The following AHI1 variants were observed in gnomAD, a reference collection of about 807,000 sequenced individuals.
The protein encoded by AHI1 is Abelson helper integration site 1.
In AHI1, 123 loss-of-function variants were observed where a neutral mutation model predicts 149.3. The ratio of observed to expected loss-of-function variants is 0.82; its 90% CI spans 0.71 to 0.96. The LOEUF (loss-of-function observed/expected upper bound fraction) is 0.96. Ranked by LOEUF, AHI1 falls within the 40% of genes least tolerant of loss-of-function variation. The pLI is 0.00. For synonymous variants in AHI1, 475 were observed against 459.8 expected (o/e 1.03, Z -0.42); for missense variants, 1,439 against 1,422.7 (o/e 1.01, Z -0.18).
At chr6:135,306,058 C>T (rs887519550) in intron 26 of AHI1, among the ~76,000 whole-genome samples, 20 of 152,158 alleles carry the variant, frequency 1.3e-4, no homozygotes, top group Admixed American at 1.2e-3. Flanking sequence ...GTTACTTTCA[C>T]CTGTTAGACT....
Position 135,415,049 on chromosome 6 carries a change from T to A in AHI1, c.2765-3505A>T, listed in dbSNP as rs1782163216. ...TCACTGTTCAATTCCCATCTATGAG[T>A]GAGAACATGTGGTGTTTGGTTTTTT... On this transcript the variant is annotated intron_variant, in intron 20 of 28. Transcript: ENST00000265602. 2.7e-5 allele frequency among the ~76,000 whole-genome samples: 4 copies of A among 145,678 alleles called. No individual in the cohort carries two copies. The Admixed American group carries it at 2.8e-4, about 10-fold the overall frequency.
intron 26 of AHI1, chr6:135,305,224 C>A (rs1249111583): frequency 6.6e-6 from 1 of 152,188 alleles, no homozygotes; most frequent in African/African-American, 2.4e-5. Flanking sequence ...CGTCTTCTAC[C>A]CTTTGTCATT....
intron 5 of AHI1, among the ~76,000 whole-genome samples, chr6:135,477,153 G>A (rs1047160842): frequency 7.9e-5 from 12 of 151,264 alleles, no homozygotes; most frequent in Admixed American, 5.3e-4. Flanking sequence ...CCATTCTCCT[G>A]CCCCAGCCTC....
intron 20 of AHI1, among the ~76,000 whole-genome samples, chr6:135,420,762 A>G (rs1036570427): frequency 2.6e-5 from 4 of 152,164 alleles, no homozygotes; most frequent in African/African-American, 9.7e-5. Flanking sequence ...AACTTTGTCC[A>G]TATCAGCAAT....
At chr6:135,452,181 A>G (rs1298709173) in intron 11 of AHI1, among the ~76,000 whole-genome samples, 1 of 152,246 alleles carries the variant, frequency 6.6e-6, no homozygotes, top group East Asian at 1.9e-4. Flanking sequence ...TAATTTATCT[A>G]TGAATGTACT....
chr6:135,447,273 A>T (rs1024328316), intron 12 of AHI1, 113 bp from the exon 13 acceptor site: 1 of 754,836 alleles, frequency 1.3e-6, no homozygotes, highest in Non-Finnish European at 1.8e-6. Flanking sequence ...TTCAAAATGT[A>T]ATCCAGAAAA....
rs1180093781 is a variant in AHI1 at position 135,285,242 on chromosome 6, T to C, written c.*403A>G. ...CATATTCTGGGCATAGCATCACACA[T>C]ACAACCATTACCAATATAATAATAT... On this transcript the variant is annotated 3_prime_UTR_variant, in exon 29 of 29. Transcript: ENST00000265602. 1.8e-5 allele frequency: 4 copies of C among 219,012 alleles called. No individual in the cohort carries two copies. Among genetic ancestry groups the C allele is most frequent in the Non-Finnish European group, 3.6e-5 (4 of 111,052 alleles). The allele number at this position is 219,012 out of a possible 1,614,324, so 13.6% of individuals were successfully genotyped here.
chr6:135,470,612 A>T (rs1292305705), intron 5 of AHI1, among the ~76,000 whole-genome samples: 2 of 152,204 alleles, frequency 1.3e-5, no homozygotes, highest in Non-Finnish European at 2.9e-5. Context: ...TGGTTCATAT[A>T]TACCAATGAA....
chr6:135,458,717 A>T (rs1789379534), intron 8 of AHI1, among the ~76,000 whole-genome samples: 1 of 152,170 alleles, frequency 6.6e-6, no homozygotes, highest in African/African-American at 2.4e-5. Context: ...ACAGTGACAA[A>T]AATGGATACC....
At chr6:135,468,197 G>T (rs1185486127) in intron 5 of AHI1, among the ~76,000 whole-genome samples, 1 of 151,950 alleles carries the variant, frequency 6.6e-6, no homozygotes, top group Non-Finnish European at 1.5e-5. Context: ...AAATTATGGT[G>T]CCACAGCCTC....
intron 23 of AHI1, among the ~76,000 whole-genome samples, chr6:135,385,669 G>A (rs1377401327): frequency 6.6e-6 from 1 of 152,218 alleles, no homozygotes; most frequent in Non-Finnish European, 1.5e-5. Flanking sequence ...TTTGGAATCA[G>A]CATATTTGTA....
At chr6:135,294,324 T>TCAAAACAAAACAAAA (rs60857616) in intron 27 of AHI1, among the ~76,000 whole-genome samples, 14 of 148,092 alleles carry the variant, frequency 9.5e-5, no homozygotes, top group South Asian at 2.1e-4. Flanking sequence ...AGACTCCATC[T>TCAAAACAAAACAAAA]CAAAACAAAA....
At chr6:135,411,950 TATC>T (rs1460427474) in intron 20 of AHI1, among the ~76,000 whole-genome samples, 5 of 152,216 alleles carry the variant, frequency 3.3e-5, no homozygotes, top group Non-Finnish European at 5.9e-5. Flanking sequence ...ACATTCTATA[TATC>T]ATAATGTAAA....
At chr6:135,367,773 TC>T (rs1327168405) in intron 23 of AHI1, among the ~76,000 whole-genome samples, 2 of 152,174 alleles carry the variant, frequency 1.3e-5, no homozygotes, top group Non-Finnish European at 2.9e-5. Flanking sequence ...TTAAAAAATT[TC>T]TTTAAGTTGG....
At position 135,469,414 on chromosome 6, in the gene AHI1, T is replaced by G. The variant is rs540290387; in HGVS notation, c.136-1780A>C. Among the ~76,000 whole-genome samples, 20 of 152,278 alleles carry G rather than the reference T, an allele frequency of 1.3e-4. No homozygotes were observed. The South Asian group carries it at 4.1e-3, about 32-fold the overall frequency. The stretch of plus-strand genomic sequence containing the variant: ...CAGTCATACTGCCCAAAGTAATTTA[T>G]AAATTCTATGCTATTCTTATTAAAC... On this transcript the variant is annotated intron_variant, in intron 5 of 28. Coordinates refer to ENST00000265602, the MANE Select transcript of AHI1 (RefSeq NM_001134831.2).
At chr6:135,485,876 T>C (rs1205528977) in intron 5 of AHI1, among the ~76,000 whole-genome samples, 2 of 152,102 alleles carry the variant, frequency 1.3e-5, no homozygotes, top group African/African-American at 4.8e-5. Flanking sequence ...CTCACACCTG[T>C]AGTCCTAGCA....
At chr6:135,464,289 G>A (rs941908971) in intron 7 of AHI1, among the ~76,000 whole-genome samples, 3 of 152,028 alleles carry the variant, frequency 2.0e-5, no homozygotes, top group Admixed American at 2.0e-4. Context: ...GTTCTTTAAG[G>A]AGAACAGCTA....
At chr6:135,323,696 C>G (rs1198592078) in intron 24 of AHI1, among the ~76,000 whole-genome samples, 3 of 99,260 alleles carry the variant, frequency 3.0e-5, no homozygotes, top group African/African-American at 1.2e-4. Flanking sequence ...GCAGATGCAT[C>G]TGAAAAAAAA....
intron 28 of AHI1, among the ~76,000 whole-genome samples, chr6:135,290,112 T>C (rs1177431267): frequency 6.6e-6 from 1 of 152,218 alleles, no homozygotes; most frequent in Non-Finnish European, 1.5e-5. Context: ...ATCTTGTCTA[T>C]ACCCTGTGTT....
Sources: allele counts gnomAD v4.1 joint callset (sites outside exome capture counted in the v4.1 genomes callset), GRCh38; gene constraint gnomAD v4.1.1; transcripts MANE v1.5; gene names NCBI Gene and HGNC (gene_info 2026-07-23, HGNC 2026-07-21).